Variants in SMG1 observed in about 807,000 individuals in gnomAD.
The protein encoded by SMG1 is SMG1 nonsense mediated mRNA decay associated PI3K related kinase.
Under a neutral mutation model 419.9 loss-of-function variants are expected in SMG1, and 22 were observed. The ratio of observed to expected loss-of-function variants is 0.05; its 90% CI spans 0.04 to 0.07. The LOEUF is 0.07. Ranked by LOEUF, SMG1 falls within the 10% of genes least tolerant of loss-of-function variation. The pLI is 1.00. For synonymous variants in SMG1, 1,538 were observed against 1,553.5 expected (o/e 0.99, Z 0.23); for missense variants, 3,185 against 4,342.0 (o/e 0.73, Z 7.49).
In SMG1 at chr16:18,805,689, T is replaced by C. The variant is rs2030758334; in HGVS notation, c.*3880A>G. On this transcript the variant is annotated 3_prime_UTR_variant, in exon 63 of 63. Transcript: ENST00000446231. ...GAATCTTTCTAATATTACCCAAATA[T>C]TGAAAACAAAATCTACCTTCTTTAA... 1 of 152,176 alleles carries C rather than the reference T, an allele frequency of 6.6e-6. No homozygotes were observed. The highest frequency in any genetic ancestry group is 1.9e-4 in the East Asian group (1 of 5,204). The allele number at this position is 152,176 out of a possible 1,614,324, so 9.4% of individuals were successfully genotyped here. A position where few individuals can be genotyped will look rare whatever the true frequency, so the allele number is the denominator to read the frequency against.
intron 30 of SMG1, 148 bp from the exon 31 acceptor site, chr16:18,854,015 AC>A (rs2034755798): frequency 1.5e-6 from 1 of 676,426 alleles, no homozygotes. Flanking sequence ...GGAGGCTCCT[AC>A]TGTCTTAGCC....
At chr16:18,810,239 CAT>C (rs1193549430) in intron 62 of SMG1, among the ~76,000 whole-genome samples, 4 of 152,156 alleles carry the variant, frequency 2.6e-5, no homozygotes, top group Non-Finnish European at 5.9e-5. Flanking sequence ...CACAAACTGA[CAT>C]GTGTCTCTTG....
Position 18,807,766 on chromosome 16 carries a change from T to C in SMG1, c.*1803A>G, listed in dbSNP as rs956308648. 6.6e-6 allele frequency: 1 copy of C among 151,886 alleles called. No homozygotes were observed. The highest frequency in any genetic ancestry group is 1.5e-5 in the Non-Finnish European group (1 of 67,970). 9.4% of individuals were successfully genotyped at this position (151,886 alleles called of 1,614,324 possible). A position where few individuals can be genotyped will look rare whatever the true frequency, so the allele number is the denominator to read the frequency against. Reference sequence around the variant, plus strand: ...TCAAACAATTTTTTTTTTTATCTAGTCATTTATTTTTGACACAGAGTCTAG... The same window carrying C: ...TCAAACAATTTTTTTTTTTATCTAGCCATTTATTTTTGACACAGAGTCTAG... On this transcript the variant is annotated 3_prime_UTR_variant, in exon 63 of 63. Transcript: ENST00000446231.
chr16:18,892,605 C>A (rs2036933570), intron 3 of SMG1, among the ~76,000 whole-genome samples: 1 of 152,068 alleles, frequency 6.6e-6, no homozygotes, highest in Non-Finnish European at 1.5e-5. Flanking sequence ...AGGTGGTGTG[C>A]ACCTGTAGTC....
chr16:18,904,386 G>A (rs2037474267), intron 1 of SMG1, among the ~76,000 whole-genome samples: 1 of 151,826 alleles, frequency 6.6e-6, no homozygotes, highest in Admixed American at 6.6e-5. Context: ...TGTAATCCCA[G>A]CACTTTGGGA....
intron 13 of SMG1, among the ~76,000 whole-genome samples, chr16:18,874,190 G>A (rs2035979444): frequency 6.6e-6 from 1 of 152,060 alleles, no homozygotes; most frequent in South Asian, 2.1e-4. Flanking sequence ...CCAGACTGGA[G>A]TGCAGTGGTG....
At chr16:18,864,547 G>C (rs2035395465) in intron 23 of SMG1, among the ~76,000 whole-genome samples, 1 of 152,056 alleles carries the variant, frequency 6.6e-6, no homozygotes, top group Admixed American at 6.5e-5. Flanking sequence ...CCAGGCTGGA[G>C]AGCAGTGGCA....
chr16:18,901,534 C>CT (rs1252576998), intron 1 of SMG1, among the ~76,000 whole-genome samples: 1 of 152,172 alleles, frequency 6.6e-6, no homozygotes, highest in Non-Finnish European at 1.5e-5. Context: ...TTTTAACTGT[C>CT]TGTCAACTAA....
intron 1 of SMG1, among the ~76,000 whole-genome samples, chr16:18,916,735 C>T (rs1266604081): frequency 6.6e-6 from 1 of 151,594 alleles, no homozygotes; most frequent in Non-Finnish European, 1.5e-5. Context: ...TTTATAGTTC[C>T]AAAAATAAAA....
At chr16:18,907,744 C>T (rs760783738) in intron 1 of SMG1, among the ~76,000 whole-genome samples, 1 of 143,844 alleles carries the variant, frequency 7.0e-6, no homozygotes, top group South Asian at 2.3e-4. Flanking sequence ...CCCAGCTACT[C>T]AGGGGGCTGA....
At chr16:18,891,789 T>C (rs1411233367) in intron 4 of SMG1, among the ~76,000 whole-genome samples, 3 of 152,216 alleles carry the variant, frequency 2.0e-5, no homozygotes, top group African/African-American at 7.2e-5. Flanking sequence ...TAACCCTTCC[T>C]ATACTTTGTT....
At chr16:18,856,175 T>A (rs894294556) in intron 29 of SMG1, among the ~76,000 whole-genome samples, 3 of 152,096 alleles carry the variant, frequency 2.0e-5, no homozygotes, top group African/African-American at 4.8e-5. Context: ...TTCCTTCTTA[T>A]TTTTTGAGAC....
Position 18,829,344 on chromosome 16 carries a change from C to T in SMG1, c.9545G>A (p.Ser3182Asn). 6.2e-7 allele frequency: 1 copy of T among 1,613,976 alleles called. No homozygotes were observed. Among genetic ancestry groups the T allele is most frequent in the South Asian group, 1.1e-5 (1 of 91,084 alleles). ...KHDLVRRLET[S>N]ISSCKTSLQR... is the part of the protein sequence containing the mutation. ...CAGGCTTGTCTTACAAGAAGAAATA[C>T]TGGTTTCTAGCCTTCGCACCAAGTC... Residue 3182 changes from serine to asparagine, a missense_variant, in exon 54 of 63, where the codon AGT (serine) becomes AAT (asparagine). This residue lies in a region of SMG1 where 737 missense variants were observed against 846.6 expected (regional missense o/e 0.87). Transcript: ENST00000446231.
In SMG1 at chr16:18,847,870, A is replaced by G. The variant is rs759273287; in HGVS notation, c.5787T>C (p.Cys1929=). The part of the protein sequence containing the change: ...LNEDQAMMQD[C]YSKIVDKLSS... ...ACAGCTTATCTACAATTTTGCTGTA[A>G]CAATCCTGCATCATGGCTTGGTCTT... Residue 1929 remains cysteine, a synonymous_variant, in exon 37 of 63, where the codon TGT becomes TGC. Transcript: ENST00000446231. The G allele has an allele frequency of 5.0e-6, 8 of 1,613,944 alleles. No individual in the cohort carries two copies. Among genetic ancestry groups the G allele is most frequent in the South Asian group, 1.1e-5 (1 of 91,088 alleles).
intron 38 of SMG1, 29 bp downstream of exon 38, chr16:18,847,424 T>A: frequency 6.2e-7 from 1 of 1,606,694 alleles, no homozygotes; most frequent in Non-Finnish European, 8.5e-7. Flanking sequence ...GCAGCTTCAC[T>A]GTCTCAGGAC....
rs1184902055 is a variant in SMG1 at position 18,866,923 on chromosome 16, C to A, written c.3196-148G>T. 12 of 613,608 alleles carry A rather than the reference C, an allele frequency of 2.0e-5. No homozygotes were observed. The East Asian group carries it at 2.2e-4, about 11-fold the overall frequency. 38.0% of individuals were successfully genotyped at this position (613,608 alleles called of 1,614,324 possible). ...TTTTCACATTATTTAGCTCAGAATTCTTTAAAATGTTACATATAAAATAGC... is the reference window on the plus strand; with the variant it reads ...TTTTCACATTATTTAGCTCAGAATTATTTAAAATGTTACATATAAAATAGC... On this transcript the variant is annotated intron_variant, in intron 22 of 62. Transcript: ENST00000446231.
chr16:18,922,383 T>A (rs1021930302), intron 1 of SMG1, among the ~76,000 whole-genome samples: 3 of 152,204 alleles, frequency 2.0e-5, no homozygotes, highest in African/African-American at 7.2e-5. Context: ...ACCAGAGGCA[T>A]CCAGTGGTTC....
chr16:18,863,623 T>C (rs779448982), intron 25 of SMG1, 27 bp downstream of exon 25: 51 of 1,582,502 alleles, frequency 3.2e-5, no homozygotes, highest in Middle Eastern at 4.5e-4. Flanking sequence ...GGAAATTTGT[T>C]TTATAACTGG....
At chr16:18,872,981 C>A (rs1175668623) in intron 13 of SMG1, among the ~76,000 whole-genome samples, 1 of 151,916 alleles carries the variant, frequency 6.6e-6, no homozygotes, top group Non-Finnish European at 1.5e-5. Flanking sequence ...CAGCGGGACC[C>A]CATCTCTACT....
Sources: gnomAD v4.1 joint callset for allele counts (sites outside exome capture counted in the v4.1 genomes callset) on GRCh38, gnomAD v4.1.1 for gene constraint, gnomAD v4.1.1 regional missense constraint, MANE v1.5 for transcripts, NCBI Gene and HGNC (gene_info 2026-07-23, HGNC 2026-07-21) for gene names.